Variants in EHF observed in about 807,000 individuals in gnomAD.
EHF encodes the protein ETS homologous factor, also known as ESE3 transcription factor.
A neutral mutation model predicts 45.1 loss-of-function variants in EHF; 14 were observed. That is an observed-to-expected ratio of 0.31 (90% CI 0.21 to 0.49). The LOEUF (loss-of-function observed/expected upper bound fraction) is 0.49, where lower values mean the gene tolerates loss of function less well. EHF is among the 20% of genes least tolerant of loss of function. EHF has a pLI of 0.99. For synonymous variants in EHF, 136 were observed against 131.8 expected (o/e 1.03, Z -0.22); for missense variants, 282 against 371.4 (o/e 0.76, Z 1.98).
intron 6 of EHF, among the ~76,000 whole-genome samples, chr11:34,655,249 C>T (rs1357300370): frequency 1.3e-5 from 2 of 152,180 alleles, no homozygotes; most frequent in Admixed American, 1.3e-4. Context: ...TTAAATCCCT[C>T]TCTCCATCCT....
chr11:34,639,169 G>C (rs1853743144), intron 1 of EHF, among the ~76,000 whole-genome samples: 1 of 152,172 alleles, frequency 6.6e-6, no homozygotes, highest in Admixed American at 6.5e-5. Context: ...TGAAAGATGG[G>C]ACCTAGAGTC....
chr11:34,622,393 G>T, intron 1 of EHF: 2 of 1,284,996 alleles, frequency 1.6e-6, no homozygotes, highest in Non-Finnish European at 2.0e-6. Context: ...GTCTAATTCA[G>T]GAGTTGGTTC....
Sources: gnomAD v4.1 joint callset for allele counts (sites outside exome capture counted in the v4.1 genomes callset) on GRCh38, gnomAD v4.1.1 for gene constraint, MANE v1.5 for transcripts, NCBI Gene and HGNC (gene_info 2026-07-23, HGNC 2026-07-21) for gene names.